The following BMP6 variants were observed in gnomAD, a reference collection of about 807,000 sequenced individuals.
BMP6 encodes the protein VG-1-R.
BMP6 carries 17 observed loss-of-function variants against 54.1 expected under a neutral mutation model. That is an observed-to-expected ratio of 0.31 (90% CI 0.22 to 0.47). BMP6 has a LOEUF of 0.47. BMP6 is among the 20% of genes least tolerant of loss of function. The pLI is 1.00. For missense variants in BMP6, 720 were observed against 690.4 expected, an observed-to-expected ratio of 1.04 and a Z score of -0.48; for synonymous variants, 328 against 291.2, an observed-to-expected ratio of 1.13 and a Z score of -1.28.
chr6:7,804,890 A>AT (rs56264906), intron 1 of BMP6, among the ~76,000 whole-genome samples: 47 of 150,592 alleles, frequency 3.1e-4, no homozygotes, highest in East Asian at 5.9e-4. Flanking sequence ...TCTACAACTG[A>AT]TTTTTTTTTT....
chr6:7,727,093 C>T lies in BMP6; in HGVS notation c.138C>T (p.Asp46=), dbSNP rs1337647933. The T allele has an allele frequency of 3.7e-6, 5 of 1,337,152 alleles. No individual in the cohort carries two copies. Among genetic ancestry groups the T allele is most frequent in the East Asian group, 3.1e-5 (1 of 32,250 alleles). 82.8% of individuals were successfully genotyped at this position (1,337,152 alleles called of 1,614,324 possible). A position where few individuals can be genotyped will look rare whatever the true frequency, so the allele number is the denominator to read the frequency against. The change falls in exon 1 of 7, where the codon GAC becomes GAT. Residue 46 remains aspartate (D), a synonymous_variant. Coordinates refer to ENST00000283147, the MANE Select transcript of BMP6 (RefSeq NM_001718.6). ...AAAAGGQLLG[D]GGSPGRTEQP... ...CCGCCGGGGGGCAGCTGCTGGGGGA[C>T]GGCGGGAGCCCCGGCCGCACGGAGC...
At chr6:7,829,077 C>G (rs962051617) in intron 1 of BMP6, among the ~76,000 whole-genome samples, 1 of 152,218 alleles carries the variant, frequency 6.6e-6, no homozygotes, top group African/African-American at 2.4e-5. Context: ...TTACTTTTAA[C>G]TTTCAAAACT....
chr6:7,774,225 C>T (rs1235146300), intron 1 of BMP6, among the ~76,000 whole-genome samples: 2 of 152,206 alleles, frequency 1.3e-5, no homozygotes, highest in East Asian at 3.8e-4. Flanking sequence ...AGGTTGCTTG[C>T]TCTCATTCCT....
chr6:7,731,943 C>T (rs978735252), intron 1 of BMP6, among the ~76,000 whole-genome samples: 1 of 152,122 alleles, frequency 6.6e-6, no homozygotes, highest in African/African-American at 2.4e-5. Context: ...ATTTAAAAAA[C>T]TCAAATTGTG....
At chr6:7,805,951 A>G (rs770501190) in intron 1 of BMP6, among the ~76,000 whole-genome samples, 1 of 152,248 alleles carries the variant, frequency 6.6e-6, no homozygotes, top group Non-Finnish European at 1.5e-5. Flanking sequence ...GACTGCAGCC[A>G]CATTCAGGCT....
intron 1 of BMP6, among the ~76,000 whole-genome samples, chr6:7,805,010 T>C (rs745952546): frequency 1.8e-4 from 28 of 152,282 alleles, no homozygotes; most frequent in Admixed American, 8.5e-4. Context: ...ACGAAATCAT[T>C]TATAGAAAGC....
intron 1 of BMP6, among the ~76,000 whole-genome samples, chr6:7,829,144 G>A (rs548313712): frequency 6.6e-6 from 1 of 152,350 alleles, no homozygotes; most frequent in East Asian, 1.9e-4. Context: ...CCACTGTGGA[G>A]AAAGGCAGGA....
intron 1 of BMP6, among the ~76,000 whole-genome samples, chr6:7,775,603 C>T (rs796615767): frequency 9.2e-5 from 14 of 152,248 alleles, no homozygotes; most frequent in African/African-American, 2.6e-4. Flanking sequence ...TCTGTGTGTC[C>T]GCCTGCCTGT....
chr6:7,750,585 A>G (rs1436715721), intron 1 of BMP6, among the ~76,000 whole-genome samples: 2 of 152,140 alleles, frequency 1.3e-5, no homozygotes, highest in Non-Finnish European at 1.5e-5. Flanking sequence ...TAATTAAATG[A>G]CCTATATAAA....
At position 7,878,333 on chromosome 6, in the gene BMP6, C is replaced by G. The variant is rs267170; in HGVS notation, c.1205-741C>G. ...GGCAGAAGGCATGTCACGTAAGAGT[C>G]GCTCCAGTGGGCCTCAGTGAATTGG... On this transcript the variant is annotated intron_variant, in intron 4 of 6. Coordinates refer to ENST00000283147, the MANE Select transcript of BMP6 (RefSeq NM_001718.6). Among the ~76,000 whole-genome samples, 26 of 152,106 alleles carry G rather than the reference C, an allele frequency of 1.7e-4. No individual in the cohort carries two copies. The East Asian group carries it at 4.1e-3, about 24-fold the overall frequency.
intron 1 of BMP6, among the ~76,000 whole-genome samples, chr6:7,778,242 A>T (rs976084635): frequency 3.3e-5 from 5 of 152,202 alleles, no homozygotes; most frequent in Non-Finnish European, 1.5e-5. Flanking sequence ...GTAGAAAAAG[A>T]AGTGTGTATG....
intron 1 of BMP6, among the ~76,000 whole-genome samples, chr6:7,753,981 G>A (rs1294819218): frequency 6.6e-6 from 1 of 151,924 alleles, no homozygotes; most frequent in Non-Finnish European, 1.5e-5. Flanking sequence ...TCTTATTTTA[G>A]GGCCATAATA....
At chr6:7,835,053 C>T (rs965367711) in intron 1 of BMP6, among the ~76,000 whole-genome samples, 5 of 152,174 alleles carry the variant, frequency 3.3e-5, no homozygotes, top group Non-Finnish European at 7.4e-5. Flanking sequence ...GTAGCAAATG[C>T]AGTGTACCAG....
At chr6:7,860,817 G>A (rs1244190704) in intron 2 of BMP6, among the ~76,000 whole-genome samples, 2 of 152,052 alleles carry the variant, frequency 1.3e-5, no homozygotes, top group Non-Finnish European at 2.9e-5. Context: ...TATTTCATAG[G>A]AACAAACGAG....
At chr6:7,807,185 G>T (rs957186513) in intron 1 of BMP6, among the ~76,000 whole-genome samples, 1 of 152,170 alleles carries the variant, frequency 6.6e-6, no homozygotes, top group Admixed American at 6.5e-5. Flanking sequence ...TAGACCTCCT[G>T]TTCTATCTCC....
At chr6:7,733,281 TC>T (rs755167363) in intron 1 of BMP6, among the ~76,000 whole-genome samples, 2 of 152,250 alleles carry the variant, frequency 1.3e-5, no homozygotes, top group South Asian at 2.1e-4. Context: ...ATTCTATTTT[TC>T]TTCCTCTTCT....
At chr6:7,753,972 C>T (rs1757469579) in intron 1 of BMP6, among the ~76,000 whole-genome samples, 1 of 151,740 alleles carries the variant, frequency 6.6e-6, no homozygotes, top group African/African-American at 2.4e-5. Flanking sequence ...TAATTTTGGT[C>T]TTATTTTAGG....
chr6:7,754,774 G>A (rs1757486439), intron 1 of BMP6, among the ~76,000 whole-genome samples: 1 of 152,202 alleles, frequency 6.6e-6, no homozygotes, highest in South Asian at 2.1e-4. Flanking sequence ...CTGGAGTGCA[G>A]TGGTGCGATC....
intron 1 of BMP6, among the ~76,000 whole-genome samples, chr6:7,781,905 T>C (rs1757953939): frequency 6.6e-6 from 1 of 151,412 alleles, no homozygotes; most frequent in African/African-American, 2.4e-5. Flanking sequence ...CTCCACCTTC[T>C]TTCCAAGAGC....
Sources: allele counts gnomAD v4.1 joint callset (sites outside exome capture counted in the v4.1 genomes callset), GRCh38; gene constraint gnomAD v4.1.1; transcripts MANE v1.5; gene names NCBI Gene and HGNC (gene_info 2026-07-23, HGNC 2026-07-21).